DYRK2: variants seen among roughly 807,000 people sequenced by gnomAD.
DYRK2 encodes dual specificity tyrosine phosphorylation regulated kinase 2.
A neutral mutation model predicts 41.6 loss-of-function variants in DYRK2; 12 were observed. That is an observed-to-expected ratio of 0.29 (90% CI 0.18 to 0.47). The LOEUF is 0.47. Among genes scored for constraint, DYRK2 ranks in the 20% least tolerant of loss-of-function variants. The pLI is 1.00. For missense variants in DYRK2, 678 were observed against 798.4 expected (o/e 0.85, Z 1.82); for synonymous variants, 322 against 315.7 (o/e 1.02, Z -0.21).
In DYRK2 at chr12:67,658,437, C is replaced by G. The variant is rs755763829; in HGVS notation, c.1530C>G (p.Asp510Glu). 10 of 1,590,526 alleles carry G rather than the reference C, an allele frequency of 6.3e-6. No individual in the cohort carries two copies. The highest frequency in any genetic ancestry group is 7.7e-6 in the Non-Finnish European group (9 of 1,168,668). The change falls in exon 3 of 3, where the codon GAC becomes GAG. Residue 510 changes from aspartate (D) to glutamate (E), a missense_variant. Physicochemically the swap from Asp to Glu is conservative, Grantham distance 45. Transcript: ENST00000344096. This position sits in a 1 kb window ranked among gnomAD's most constrained non-coding sequence, Gnocchi z 4.3. ...GGTGTGATGATCCCCTTTTCCTTGA[C>G]TTCTTAAAACAGTGTTTAGAGTGGG... The part of the protein sequence containing the change: ...LKGCDDPLFL[D>E]FLKQCLEWDP...
In DYRK2 at chr12:67,662,389, G is replaced by A. The variant is rs915950820; in HGVS notation, c.*3676G>A. On this transcript the variant is annotated 3_prime_UTR_variant, in exon 3 of 3. Transcript: ENST00000344096. ...TTTTATCGAGCAACAACTTAGACAC[G>A]TGACTGTAATATGCTGCAACTGTGT... 7 of 166,924 alleles carry A rather than the reference G, an allele frequency of 4.2e-5. No individual in the cohort carries two copies. Among genetic ancestry groups the A allele is most frequent in the Non-Finnish European group, 1.0e-4 (7 of 68,088 alleles). The allele number at this position is 166,924 out of a possible 1,614,324, so 10.3% of individuals were successfully genotyped here. A position where few individuals can be genotyped will look rare whatever the true frequency, so the allele number is the denominator to read the frequency against.
intron 2 of DYRK2, among the ~76,000 whole-genome samples, chr12:67,652,038 C>G (rs144947920): frequency 3.0e-4 from 45 of 151,796 alleles, no homozygotes; most frequent in African/African-American, 1.0e-3. Flanking sequence ...GGAAGAACTT[C>G]TAGAATGAAT....
rs1872252324 is a variant in DYRK2 at position 67,649,742 on chromosome 12, G to A, written c.50-55G>A. 17 of 1,302,152 alleles carry A rather than the reference G, an allele frequency of 1.3e-5. No homozygotes were observed. In the Admixed American group the frequency reaches 3.4e-4, roughly 26 times the overall value. The allele number at this position is 1,302,152 out of a possible 1,614,324, so 80.7% of individuals were successfully genotyped here. A position where few individuals can be genotyped will look rare whatever the true frequency, so the allele number is the denominator to read the frequency against. ...CCCAGCGGGGTTGGAGGGGGGGTCTGGGTGACTTTCTCCCCCCTGACCCTC... is the reference window on the plus strand; with the variant it reads ...CCCAGCGGGGTTGGAGGGGGGGTCTAGGTGACTTTCTCCCCCCTGACCCTC... On this transcript the variant is annotated intron_variant, in intron 1 of 2. Coordinates refer to ENST00000344096, the MANE Select transcript of DYRK2 (RefSeq NM_006482.3).
At position 67,660,732 on chromosome 12, in the gene DYRK2, G is replaced by C. The variant is rs1420316487; in HGVS notation, c.*2019G>C. 1 of 167,038 alleles carries C rather than the reference G, an allele frequency of 6.0e-6. No individual in the cohort carries two copies. The highest frequency in any genetic ancestry group is 1.5e-5 in the Non-Finnish European group (1 of 68,108). The allele number at this position is 167,038 out of a possible 1,614,324, so 10.3% of individuals were successfully genotyped here. On this transcript the variant is annotated 3_prime_UTR_variant, in exon 3 of 3. Transcript: ENST00000344096. ...ATATTAGATTTTGGCTTAAAGGCATGAGAAGTATAAGACTTGGTTTGGTGG... is the reference window on the plus strand; with the variant it reads ...ATATTAGATTTTGGCTTAAAGGCATCAGAAGTATAAGACTTGGTTTGGTGG...
rs1872491407 is a variant in DYRK2 at position 67,657,084 on chromosome 12, A to G, written c.199-22A>G. 2 of 1,531,028 alleles carry G rather than the reference A, an allele frequency of 1.3e-6. No homozygotes were observed. Among genetic ancestry groups the G allele is most frequent in the Non-Finnish European group, 1.8e-6 (2 of 1,138,652 alleles). 94.8% of individuals were successfully genotyped at this position (1,531,028 alleles called of 1,614,324 possible). On this transcript the variant is annotated intron_variant, in intron 2 of 2. Coordinates refer to ENST00000344096, the MANE Select transcript of DYRK2 (RefSeq NM_006482.3). The surrounding 1 kb of genome is among the most constrained non-coding windows in gnomAD (Gnocchi z 4.8). ...AACAGACACCACTTCTTTTCTATTTATATTTCCTGTCTGAATTCCAGATTG... is the reference window on the plus strand; with the variant it reads ...AACAGACACCACTTCTTTTCTATTTGTATTTCCTGTCTGAATTCCAGATTG...
intron 2 of DYRK2, among the ~76,000 whole-genome samples, chr12:67,650,256 C>A (rs1256225011): frequency 1.3e-5 from 2 of 152,214 alleles, no homozygotes; most frequent in Non-Finnish European, 2.9e-5. Context: ...GTCCTTGCAT[C>A]CCAGAGTTCC....
rs12317297 is a variant in DYRK2 at position 67,658,928 on chromosome 12, T to C, written c.*215T>C. The C allele has an allele frequency of 8.4e-4, 414 of 495,632 alleles. 6 individuals are homozygous for C. Among genetic ancestry groups the C allele is most frequent in the South Asian group, 8.2e-3 (184 of 22,568 alleles). The allele number at this position is 495,632 out of a possible 1,614,324, so 30.7% of individuals were successfully genotyped here. ...AAGTTTTTATACTTTCAGAAACTTT[T>C]TGTGTTCTAAAAGTACAATGAGCCT... On this transcript the variant is annotated 3_prime_UTR_variant, in exon 3 of 3. Transcript: ENST00000344096. This position sits in a 1 kb window ranked among gnomAD's most constrained non-coding sequence, Gnocchi z 4.3.
Position 67,664,756 on chromosome 12 carries a change from A to G in DYRK2, c.*6043A>G, listed in dbSNP as rs1872705515. On this transcript the variant is annotated 3_prime_UTR_variant, in exon 3 of 3. Transcript: ENST00000344096. ...TCCAGGAATATTTTTCAAATGGGACAAACTAAAAAGTTGAGGACTAGAGCA... is the reference window on the plus strand; with the variant it reads ...TCCAGGAATATTTTTCAAATGGGACGAACTAAAAAGTTGAGGACTAGAGCA... The G allele has an allele frequency of 6.6e-6, 1 of 152,208 alleles. No individual in the cohort carries two copies. Among genetic ancestry groups the G allele is most frequent in the Admixed American group, 6.5e-5 (1 of 15,286 alleles). 9.4% of individuals were successfully genotyped at this position (152,208 alleles called of 1,614,324 possible).
Position 67,649,323 on chromosome 12 carries a change from G to A in DYRK2, c.49+141G>A, listed in dbSNP as rs1181245315. ...GGGGGAGCCCCCGGGCGGACGACGC[G>A]CCCCGGGCTCCATGCAGGGTTGTGC... On this transcript the variant is annotated intron_variant, in intron 1 of 2. Transcript: ENST00000344096. 1.0e-5 allele frequency: 6 copies of A among 590,846 alleles called. No homozygotes were observed. The East Asian group carries it at 1.5e-4, about 14-fold the overall frequency. 36.6% of individuals were successfully genotyped at this position (590,846 alleles called of 1,614,324 possible).
Position 67,651,104 on chromosome 12 carries a change from GTC to G in DYRK2, c.198+1165_198+1166del, listed in dbSNP as rs1177176562. 5.3e-5 allele frequency among the ~76,000 whole-genome samples: 8 copies of G among 152,282 alleles called. No homozygotes were observed. The South Asian group carries it at 6.2e-4, about 12-fold the overall frequency. The stretch of plus-strand genomic sequence containing the variant: ...TACTATCTTCCCCCTCCCTCTGTCT[GTC>G]TCTCTATCCTGACACATCTGGTCCC... On this transcript the variant is annotated intron_variant, in intron 2 of 2. Coordinates refer to ENST00000344096, the MANE Select transcript of DYRK2 (RefSeq NM_006482.3).
Position 67,657,634 on chromosome 12 carries a change from A to G in DYRK2, c.727A>G (p.Lys243Glu), listed in dbSNP as rs1232441898. 4 of 1,613,918 alleles carry G rather than the reference A, an allele frequency of 2.5e-6. No individual in the cohort carries two copies. The highest frequency in any genetic ancestry group is 4.5e-5 in the East Asian group (2 of 44,874). ...FGQVVKAYDH[K>E]VHQHVALKMV... ...GCAGGTGGTCAAGGCCTACGATCAC[A>G]AAGTCCACCAGCACGTGGCCCTAAA... The change falls in exon 3 of 3, where the codon AAA becomes GAA. Residue 243 changes from lysine to glutamate, a missense_variant. Around this residue, in one of 2 missense-constraint regions of DYRK2, gnomAD observed 393 missense variants for 519.1 expected, o/e 0.76. Transcript: ENST00000344096. The surrounding 1 kb of genome is among the most constrained non-coding windows in gnomAD (Gnocchi z 4.8).
At chr12:67,651,676 G>A (rs992790196) in intron 2 of DYRK2, 1 of 454,186 alleles carries the variant, frequency 2.2e-6, no homozygotes, top group Non-Finnish European at 4.4e-6. Flanking sequence ...TTTGGGTTTC[G>A]ATGGTGGTTT....
Position 67,649,196 on chromosome 12 carries a change from G to A in DYRK2, c.49+14G>A. The A allele has an allele frequency of 1.3e-6, 2 of 1,490,010 alleles. No homozygotes were observed. The highest frequency in any genetic ancestry group is 1.8e-6 in the Non-Finnish European group (2 of 1,113,676). 92.3% of individuals were successfully genotyped at this position (1,490,010 alleles called of 1,614,324 possible). The stretch of plus-strand genomic sequence containing the variant: ...CCTACCCGACCGGTAAGGAGGCCGT[G>A]CCGCCGCGCCGCATCCCCGGACCCC... On this transcript the variant is annotated intron_variant, in intron 1 of 2. Transcript: ENST00000344096.
rs778950423 is a variant in DYRK2, at chr12:67,658,365, A to C, written c.1458A>C (p.Lys486Asn). 1.6e-5 allele frequency: 26 copies of C among 1,610,258 alleles called. No individual in the cohort carries two copies. Among genetic ancestry groups the C allele is most frequent in the Non-Finnish European group, 2.1e-5 (25 of 1,178,174 alleles). ...VLNGGRSRRGKLRGPPESREW... is the reference protein window; with the variant it reads ...VLNGGRSRRGNLRGPPESREW... ...ACGGAGGCCGTTCCCGGAGGGGGAA[A>C]CTGAGGGGCCCACCGGAGAGCAGAG... The change falls in exon 3 of 3, where the codon AAA becomes AAC. Residue 486 changes from lysine to asparagine, a missense_variant. Around this residue, in one of 2 missense-constraint regions of DYRK2, gnomAD observed 393 missense variants for 519.1 expected, o/e 0.76. Transcript: ENST00000344096. The surrounding 1 kb of genome is among the most constrained non-coding windows in gnomAD (Gnocchi z 4.3).
intron 2 of DYRK2, among the ~76,000 whole-genome samples, chr12:67,655,127 A>G (rs1220381342): frequency 6.6e-6 from 1 of 152,242 alleles, no homozygotes; most frequent in Non-Finnish European, 1.5e-5. Flanking sequence ...TATGCGAAAC[A>G]CAAAAATTGC....
chr12:67,656,079 A>C (rs565961340), intron 2 of DYRK2, among the ~76,000 whole-genome samples: 1 of 152,210 alleles, frequency 6.6e-6, no homozygotes, highest in Non-Finnish European at 1.5e-5. Flanking sequence ...CTTTAAGACT[A>C]GGGGTTGTCC....
Position 67,649,010 on chromosome 12 carries a change from G to A in DYRK2, c.-124G>A, listed in dbSNP as rs1156868544. On this transcript the variant is annotated 5_prime_UTR_variant, in exon 1 of 3. Coordinates refer to ENST00000344096, the MANE Select transcript of DYRK2 (RefSeq NM_006482.3). Reference sequence around the variant, plus strand: ...GTCTGGCTGTAGCAGACGCGAGGCGGCGACGAGGCGCCGGGGACCCGCGCG... The same window carrying A: ...GTCTGGCTGTAGCAGACGCGAGGCGACGACGAGGCGCCGGGGACCCGCGCG... 68 of 743,452 alleles carry A rather than the reference G, an allele frequency of 9.1e-5. No individual in the cohort carries two copies. The highest frequency in any genetic ancestry group is 1.1e-4 in the Non-Finnish European group (58 of 515,562). 46.1% of individuals were successfully genotyped at this position (743,452 alleles called of 1,614,324 possible).
rs1241323221 is a variant in DYRK2 at position 67,658,019 on chromosome 12, C to T, written c.1112C>T (p.Ser371Phe). 1 of 1,614,192 alleles carries T rather than the reference C, an allele frequency of 6.2e-7. No homozygotes were observed. ...RSGIKVIDFG[S>F]SCYEHQRVYT... ...GGTATTAAAGTAATTGATTTTGGCTCCAGTTGTTACGAGCATCAGCGTGTC... is the reference window on the plus strand; with the variant it reads ...GGTATTAAAGTAATTGATTTTGGCTTCAGTTGTTACGAGCATCAGCGTGTC... The change falls in exon 3 of 3, where the codon TCC becomes TTC. Residue 371 changes from serine to phenylalanine, a missense_variant. By Grantham distance (155) the Ser-to-Phe change is radical (BLOSUM62 -2). Coordinates refer to ENST00000344096, the MANE Select transcript of DYRK2 (RefSeq NM_006482.3). The surrounding 1 kb of genome is among the most constrained non-coding windows in gnomAD (Gnocchi z 4.3).
Position 67,657,321 on chromosome 12 carries a change from C to A in DYRK2, c.414C>A (p.Thr138=). 1 of 1,613,904 alleles carries A rather than the reference C, an allele frequency of 6.2e-7. No individual in the cohort carries two copies. Among genetic ancestry groups the A allele is most frequent in the African/African-American group, 1.3e-5 (1 of 74,982 alleles). ...DSIHRRQGSS[T]SLKSMEGMGK... ...TTCATAGACGGCAGGGGAGCTCCAC[C>A]TCTCTAAAGTCCATGGAAGGCATGG... The change falls in exon 3 of 3, where the codon ACC becomes ACA. Residue 138 remains threonine, a synonymous_variant. Coordinates refer to ENST00000344096, the MANE Select transcript of DYRK2 (RefSeq NM_006482.3). The surrounding 1 kb of genome is among the most constrained non-coding windows in gnomAD (Gnocchi z 4.8).
Sources: allele counts gnomAD v4.1 joint callset (sites outside exome capture counted in the v4.1 genomes callset), GRCh38; gene constraint gnomAD v4.1.1; regional missense constraint gnomAD v4.1.1; non-coding constraint Gnocchi (gnomAD v3.1); transcripts MANE v1.5; gene names NCBI Gene and HGNC (gene_info 2026-07-23, HGNC 2026-07-21).